SEPTIN11: variants seen among roughly 807,000 people sequenced by gnomAD.
SEPTIN11 encodes septin-11.
Under a neutral mutation model 51.4 loss-of-function variants are expected in SEPTIN11, and 25 were observed. The ratio of observed to expected loss-of-function variants is 0.49; its 90% CI spans 0.35 to 0.68. The LOEUF (loss-of-function observed/expected upper bound fraction) is 0.68. Among genes scored for constraint, SEPTIN11 ranks in the 30% least tolerant of loss-of-function variants. The pLI is 0.00. For synonymous variants in SEPTIN11, 174 were observed against 184.1 expected (o/e 0.95, Z 0.44); for missense variants, 381 against 520.8 (o/e 0.73, Z 2.61).
At position 77,037,913 on chromosome 4, in the gene SEPTIN11, A is replaced by T; in HGVS notation, c.*3401A>T. ...TTGTGACTCACCAGCAGTAACACAC[A>T]CAATCCACATCTTGTGCACCTCAAA... On this transcript the variant is annotated 3_prime_UTR_variant, in exon 10 of 10. Coordinates refer to ENST00000264893, the MANE Select transcript of SEPTIN11 (RefSeq NM_018243.4). 1 of 985,928 alleles carries T rather than the reference A, an allele frequency of 1.0e-6. No individual in the cohort carries two copies. The highest frequency in any genetic ancestry group is 1.1e-4 in the East Asian group (1 of 8,824). The allele number at this position is 985,928 out of a possible 1,614,324, so 61.1% of individuals were successfully genotyped here.
intron 6 of SEPTIN11, among the ~76,000 whole-genome samples, 194 bp from the exon 7 acceptor site, chr4:77,020,308 G>A (rs573486578): frequency 6.6e-6 from 1 of 152,322 alleles, no homozygotes; most frequent in Non-Finnish European, 1.5e-5. Context: ...GTTGTCATCA[G>A]TATTATGGTC....
chr4:76,999,449 C>A (rs1470803680), intron 2 of SEPTIN11, among the ~76,000 whole-genome samples: 1 of 152,164 alleles, frequency 6.6e-6, no homozygotes, highest in East Asian at 1.9e-4. Context: ...CTCCCTTCCT[C>A]TTACTGCCCA....
rs144940014 is a variant in SEPTIN11, at chr4:77,006,307, T to A, written c.338+511T>A. 7.4e-3 allele frequency among the ~76,000 whole-genome samples: 1,132 copies of A among 152,292 alleles called. 14 individuals carry two copies. The highest frequency in any genetic ancestry group is 0.026 in the African/African-American group (1,080 of 41,560). On this transcript the variant is annotated intron_variant, in intron 3 of 9. Transcript: ENST00000264893. ...AAAATAGTACACTGAGTTTTTATAATGTACCCCATTTATAAACCATGTAAG... is the reference window on the plus strand; with the variant it reads ...AAAATAGTACACTGAGTTTTTATAAAGTACCCCATTTATAAACCATGTAAG...
At chr4:76,958,691 C>G (rs901087227) in intron 1 of SEPTIN11, among the ~76,000 whole-genome samples, 5 of 152,136 alleles carry the variant, frequency 3.3e-5, no homozygotes, top group Non-Finnish European at 5.9e-5. Context: ...GTTTTCACTA[C>G]TATTTGTAAG....
rs1035225530 is a variant in SEPTIN11 at position 76,949,833 on chromosome 4, C to A, written c.-71C>A. On this transcript the variant is annotated 5_prime_UTR_variant, in exon 1 of 10. Coordinates refer to ENST00000264893, the MANE Select transcript of SEPTIN11 (RefSeq NM_018243.4). ...GAGGCGCGAGGGAGGCGAGCCGGAG[C>A]CCGAGCACTAGCAGCAGCCGGAGTC... is the stretch of plus-strand genomic sequence containing the variant. The A allele has an allele frequency of 2.0e-6, 3 of 1,475,646 alleles. No individual in the cohort carries two copies. In the African/African-American group the frequency reaches 4.4e-5, roughly 22 times the overall value. The allele number at this position is 1,475,646 out of a possible 1,614,324, so 91.4% of individuals were successfully genotyped here. A position where few individuals can be genotyped will look rare whatever the true frequency, so the allele number is the denominator to read the frequency against.
Position 77,036,579 on chromosome 4 carries a change from T to TTAAA in SEPTIN11, c.*2069_*2072dup. 6 of 1,425,434 alleles carry TTAAA rather than the reference T, an allele frequency of 4.2e-6. No homozygotes were observed. The highest frequency in any genetic ancestry group is 2.0e-4 in the Middle Eastern group (1 of 5,032). The allele number at this position is 1,425,434 out of a possible 1,614,324, so 88.3% of individuals were successfully genotyped here. A position where few individuals can be genotyped will look rare whatever the true frequency, so the allele number is the denominator to read the frequency against. On this transcript the variant is annotated 3_prime_UTR_variant, in exon 10 of 10. Transcript: ENST00000264893. The stretch of plus-strand genomic sequence containing the variant: ...TATTGATTGGATTGACTTTTTTGCA[T>TTAAA]TAAATTTTTCCCAGCAAAATAAATC...
intron 1 of SEPTIN11, among the ~76,000 whole-genome samples, chr4:76,954,269 C>G (rs1339131174): frequency 6.6e-6 from 1 of 152,176 alleles, no homozygotes; most frequent in Non-Finnish European, 1.5e-5. Context: ...CTTTATAGGA[C>G]TCTAAATTTG....
chr4:77,036,918 T>C lies in SEPTIN11; in HGVS notation c.*2406T>C. Reference sequence around the variant, plus strand: ...AAGCAAATGGGATGGATAGATTTTTTTTTTCTTTTCAAGGGGGGCAGGAAG... The same window carrying C: ...AAGCAAATGGGATGGATAGATTTTTCTTTTCTTTTCAAGGGGGGCAGGAAG... On this transcript the variant is annotated 3_prime_UTR_variant, in exon 10 of 10. Transcript: ENST00000264893. 7.5e-7 allele frequency: 1 copy of C among 1,336,638 alleles called. No homozygotes were observed. The allele number at this position is 1,336,638 out of a possible 1,614,324, so 82.8% of individuals were successfully genotyped here.
At chr4:77,019,106 T>C in intron 5 of SEPTIN11, 59 bp from the exon 6 acceptor site, 8 of 1,499,170 alleles carry the variant, frequency 5.3e-6, no homozygotes, top group Non-Finnish European at 6.4e-6. Context: ...TAGAGACTGG[T>C]GGAAACCAGT....
In SEPTIN11 at chr4:77,019,271, C is replaced by T. The variant is rs1475357545; in HGVS notation, c.784+10C>T. On this transcript the variant is annotated intron_variant, in intron 6 of 9. Transcript: ENST00000264893. ...TGGGGTGTGGTGCAGGGTATGTGCA[C>T]AGCATGGGAGATGGAGTCTTCATAT... 1 of 1,599,372 alleles carries T rather than the reference C, an allele frequency of 6.3e-7. No individual in the cohort carries two copies. The highest frequency in any genetic ancestry group is 8.5e-7 in the Non-Finnish European group (1 of 1,171,622).
intron 4 of SEPTIN11, among the ~76,000 whole-genome samples, chr4:77,013,149 G>T (rs2109958149): frequency 6.6e-6 from 1 of 152,250 alleles, no homozygotes; most frequent in East Asian, 1.9e-4. Context: ...GACCCAGCCG[G>T]ATAATATCCA....
chr4:76,994,225 C>G (rs182443556), intron 1 of SEPTIN11, among the ~76,000 whole-genome samples: 1 of 152,330 alleles, frequency 6.6e-6, no homozygotes, highest in Non-Finnish European at 1.5e-5. Flanking sequence ...TGATACACAA[C>G]AGCTACTGCA....
chr4:76,979,317 G>A (rs1275055647), intron 1 of SEPTIN11, among the ~76,000 whole-genome samples: 1 of 152,212 alleles, frequency 6.6e-6, no homozygotes. Context: ...AAGGCTTAGT[G>A]AAGAAAGTGG....
Position 76,949,800 on chromosome 4 carries a change from C to T in SEPTIN11, c.-104C>T. ...CGGGACGCCGGCGAGCAGAGCGCAG[C>T]CGCGAGGGAGGCGCGAGGGAGGCGA... On this transcript the variant is annotated 5_prime_UTR_variant, in exon 1 of 10. Transcript: ENST00000264893. 7.7e-7 allele frequency: 1 copy of T among 1,299,070 alleles called. No homozygotes were observed. The highest frequency in any genetic ancestry group is 1.0e-6 in the Non-Finnish European group (1 of 952,438). The allele number at this position is 1,299,070 out of a possible 1,614,324, so 80.5% of individuals were successfully genotyped here.
chr4:76,950,770 G>A (rs1721299962), intron 1 of SEPTIN11, among the ~76,000 whole-genome samples: 1 of 152,120 alleles, frequency 6.6e-6, no homozygotes, highest in Admixed American at 6.5e-5. Context: ...GGAGGGGAGC[G>A]GGACTCCGAG....
At chr4:77,001,806 G>T (rs2703103) in intron 2 of SEPTIN11, among the ~76,000 whole-genome samples, 10,209 of 152,168 alleles carry the variant, frequency 0.067, 596 homozygotes, top group African/African-American at 0.16. Context: ...CAGTTAGAAA[G>T]AAATTTTTGT....
At chr4:77,007,012 C>A (rs1368572614) in intron 3 of SEPTIN11, among the ~76,000 whole-genome samples, 1 of 152,056 alleles carries the variant, frequency 6.6e-6, no homozygotes, top group Admixed American at 6.5e-5. Context: ...TTTTGCATAC[C>A]AAAATGGACT....
At position 76,949,761 on chromosome 4, in the gene SEPTIN11, C is replaced by A; in HGVS notation, c.-143C>A. ...GGCGGCGGCGTGGGGGGAGCAGATG[C>A]CGCTGGCTGCCAGCGGGACGCCGGC... On this transcript the variant is annotated 5_prime_UTR_variant, in exon 1 of 10. Transcript: ENST00000264893. The A allele has an allele frequency of 1.2e-6, 1 of 829,514 alleles. No homozygotes were observed. The highest frequency in any genetic ancestry group is 1.8e-6 in the Non-Finnish European group (1 of 556,442). The allele number at this position is 829,514 out of a possible 1,614,324, so 51.4% of individuals were successfully genotyped here. A position where few individuals can be genotyped will look rare whatever the true frequency, so the allele number is the denominator to read the frequency against.
intron 1 of SEPTIN11, among the ~76,000 whole-genome samples, chr4:76,954,740 T>C (rs1473892109): frequency 6.6e-6 from 1 of 152,224 alleles, no homozygotes; most frequent in Non-Finnish European, 1.5e-5. Flanking sequence ...CTTTTTAGGA[T>C]CGACGCCAAT....
Sources: gnomAD v4.1 joint callset for allele counts (sites outside exome capture counted in the v4.1 genomes callset) on GRCh38, gnomAD v4.1.1 for gene constraint, MANE v1.5 for transcripts, NCBI Gene and HGNC (gene_info 2026-07-23, HGNC 2026-07-21) for gene names.